FBP1: variants seen among roughly 807,000 people sequenced by gnomAD.
FBP1 encodes fructose-1,6-bisphosphatase 1.
Under a neutral mutation model 29.9 loss-of-function variants are expected in FBP1, and 22 were observed. The ratio of observed to expected loss-of-function variants is 0.74; its 90% CI spans 0.53 to 1.05. The LOEUF (loss-of-function observed/expected upper bound fraction) is 1.05. Among genes scored for constraint, FBP1 ranks in the 50% least tolerant of loss-of-function variants. FBP1 has a pLI of 0.00. For synonymous variants in FBP1, 175 were observed against 178.6 expected, an observed-to-expected ratio of 0.98 and a Z score of 0.16; for missense variants, 345 against 448.2, an observed-to-expected ratio of 0.77 and a Z score of 2.08.
intron 1 of FBP1, among the ~76,000 whole-genome samples, chr9:94,633,213 G>T: frequency 6.6e-6 from 1 of 152,056 alleles, no homozygotes; most frequent in East Asian, 1.9e-4. Context: ...TCTAATCCAT[G>T]CTCAGACTTC....
At chr9:94,623,392 C>G (rs968608293) in intron 1 of FBP1, among the ~76,000 whole-genome samples, 1 of 152,252 alleles carries the variant, frequency 6.6e-6, no homozygotes, top group Non-Finnish European at 1.5e-5. Context: ...GGCTCCCCTG[C>G]TCTTTCTGAG....
chr9:94,607,456 T>C (rs1000625808), intron 4 of FBP1, among the ~76,000 whole-genome samples: 2 of 152,172 alleles, frequency 1.3e-5, no homozygotes, highest in African/African-American at 4.8e-5. Flanking sequence ...ATGGGAGTTC[T>C]CCTTTCTGGG....
chr9:94,606,974 G>T (rs764029342), intron 4 of FBP1, 22 bp from the exon 5 acceptor site: 1 of 1,614,056 alleles, frequency 6.2e-7, no homozygotes, highest in South Asian at 1.1e-5. Context: ...AGGAAGGAAA[G>T]GTGGAGAGAT....
intron 3 of FBP1, among the ~76,000 whole-genome samples, chr9:94,610,544 G>A (rs1011610007): frequency 2.0e-5 from 3 of 152,188 alleles, no homozygotes; most frequent in African/African-American, 7.2e-5. Flanking sequence ...TCACTCACAC[G>A]TCAGGGAAAT....
At chr9:94,617,266 T>C (rs1213756495) in intron 3 of FBP1, among the ~76,000 whole-genome samples, 1 of 152,056 alleles carries the variant, frequency 6.6e-6, no homozygotes, top group Non-Finnish European at 1.5e-5. Flanking sequence ...GAAACTTTGT[T>C]CTTTAGTTTT....
intron 1 of FBP1, among the ~76,000 whole-genome samples, chr9:94,628,776 G>A (rs1460003885): frequency 6.6e-6 from 1 of 152,146 alleles, no homozygotes; most frequent in Non-Finnish European, 1.5e-5. Context: ...CTGTTCCAGA[G>A]ACCCGGATAT....
intron 1 of FBP1, among the ~76,000 whole-genome samples, chr9:94,637,454 A>G (rs1434659018): frequency 3.3e-5 from 5 of 150,768 alleles, no homozygotes; most frequent in African/African-American, 1.2e-4. Flanking sequence ...GCTGGAGTGC[A>G]ATGATGCGAT....
At chr9:94,630,037 C>T (rs918678300) in intron 1 of FBP1, among the ~76,000 whole-genome samples, 9 of 152,236 alleles carry the variant, frequency 5.9e-5, no homozygotes, top group Middle Eastern at 3.4e-3. Flanking sequence ...AGGTAAATGC[C>T]GAGTGTATAC....
rs16910744 is a variant in FBP1 at position 94,620,386 on chromosome 9, C to A, written c.276G>T (p.Thr92=). 9.4e-3 allele frequency: 15,243 copies of A among 1,614,140 alleles called. 1,070 individuals carry two copies. In the African/African-American group the frequency reaches 0.16, roughly 17 times the overall value. Residue 92 remains threonine (T), a synonymous_variant, in exon 2 of 7, where the codon ACG becomes ACT. Coordinates refer to ENST00000375326, the MANE Select transcript of FBP1 (RefSeq NM_000507.4). ...TATCTTCTTCTGACACGAGAACACA[C>A]GTGGCAAAGGATGACTTTAACATGT... ...VMNMLKSSFA[T]CVLVSEEDKH...
At chr9:94,609,183 C>A (rs1321124467) in intron 4 of FBP1, among the ~76,000 whole-genome samples, 27 of 140,524 alleles carry the variant, frequency 1.9e-4, no homozygotes, top group Middle Eastern at 3.6e-3. Flanking sequence ...GGCAAGACTA[C>A]ATCTCAGAAA....
At position 94,611,964 on chromosome 9, in the gene FBP1, C is replaced by T. The variant is rs2993906; in HGVS notation, c.427-1903G>A. Among the ~76,000 whole-genome samples, 10 of 151,960 alleles carry T rather than the reference C, an allele frequency of 6.6e-5. No individual in the cohort carries two copies. In the South Asian group the frequency reaches 1.9e-3, roughly 28 times the overall value. On this transcript the variant is annotated intron_variant, in intron 3 of 6. Coordinates refer to ENST00000375326, the MANE Select transcript of FBP1 (RefSeq NM_000507.4). ...AAAACCACAAACCCATTTCTTTCCA[C>T]CGCTTCCCTGCCCCTCCTAGTTTTC...
intron 3 of FBP1, among the ~76,000 whole-genome samples, chr9:94,615,109 C>T (rs971224781): frequency 6.6e-6 from 1 of 152,066 alleles, no homozygotes; most frequent in Non-Finnish European, 1.5e-5. Flanking sequence ...GGGGTTTCAC[C>T]GTGTTAGCCA....
At chr9:94,639,969 G>A, upstream of FBP1, 1 of 163,010 alleles carries the variant, frequency 6.1e-6, no homozygotes, top group Non-Finnish European at 1.3e-5. Flanking sequence ...CCCTGCCCAA[G>A]CCCCGTCCAC....
intron 1 of FBP1, among the ~76,000 whole-genome samples, chr9:94,636,747 G>T (rs1828196611): frequency 6.6e-6 from 1 of 151,878 alleles, no homozygotes; most frequent in Non-Finnish European, 1.5e-5. Context: ...GGAGTAGAGT[G>T]GCACGATCTG....
rs1447397055 is a variant in FBP1, at chr9:94,622,075, C to A, written c.171-1584G>T. ...TCTTGGTGACACCCTGGGCCCCTGG[C>A]AGGAGTCCTAGGGCATGGAAGTTGC... On this transcript the variant is annotated intron_variant, in intron 1 of 6. Transcript: ENST00000375326. Among the ~76,000 whole-genome samples, 3 of 152,292 alleles carry A rather than the reference C, an allele frequency of 2.0e-5. No homozygotes were observed. The East Asian group carries it at 5.8e-4, about 29-fold the overall frequency.
In FBP1 at chr9:94,604,075, C is replaced by G. The variant is rs540003551; in HGVS notation, c.826-503G>C. 1.2e-4 allele frequency: 25 copies of G among 206,004 alleles called. 1 individual carries two copies. In the South Asian group the frequency reaches 2.2e-3, roughly 18 times the overall value. 12.8% of individuals were successfully genotyped at this position (206,004 alleles called of 1,614,324 possible). A position where few individuals can be genotyped will look rare whatever the true frequency, so the allele number is the denominator to read the frequency against. On this transcript the variant is annotated intron_variant, in intron 6 of 6. Coordinates refer to ENST00000375326, the MANE Select transcript of FBP1 (RefSeq NM_000507.4). ...CATTCCTTTTACGATTCTCCGAAGG[C>G]TTTTGGGTTGGAATTCAGTGTATTA...
At position 94,639,152 on chromosome 9, in the gene FBP1, G is replaced by T. The variant is rs1055780118; in HGVS notation, c.159C>A (p.Gly53=). The change falls in exon 1 of 7, where the codon GGC becomes GGA. Residue 53 remains glycine, a synonymous_variant. Coordinates refer to ENST00000375326, the MANE Select transcript of FBP1 (RefSeq NM_000507.4). ...KAISSAVRKA[G]IAHLYGIAGS... Reference sequence around the variant, plus strand: ...AAGGCCCGACTCACAGGTGCGCGATGCCCGCCTTGCGCACCGCCGAAGAGA... The same window carrying T: ...AAGGCCCGACTCACAGGTGCGCGATTCCCGCCTTGCGCACCGCCGAAGAGA... 3 of 1,601,182 alleles carry T rather than the reference G, an allele frequency of 1.9e-6. No individual in the cohort carries two copies. The highest frequency in any genetic ancestry group is 2.6e-6 in the Non-Finnish European group (3 of 1,174,424).
chr9:94,606,359 A>G (rs1291057534), intron 5 of FBP1, among the ~76,000 whole-genome samples: 1 of 152,232 alleles, frequency 6.6e-6, no homozygotes, highest in Non-Finnish European at 1.5e-5. Flanking sequence ...AGCAAGGGGC[A>G]GACACCACTT....
At chr9:94,604,462 G>A (rs549216982) in intron 6 of FBP1, among the ~76,000 whole-genome samples, 4 of 144,490 alleles carry the variant, frequency 2.8e-5, no homozygotes, top group African/African-American at 1.0e-4. Flanking sequence ...TAAGGGAACT[G>A]TTGTTCCTGT....
Sources: allele counts gnomAD v4.1 joint callset (sites outside exome capture counted in the v4.1 genomes callset), GRCh38; gene constraint gnomAD v4.1.1; transcripts MANE v1.5; gene names NCBI Gene and HGNC (gene_info 2026-07-23, HGNC 2026-07-21).